PITPNC1: variants seen among roughly 807,000 people sequenced by gnomAD.
The protein encoded by PITPNC1 is cytoplasmic phosphatidylinositol transfer protein 1.
PITPNC1 carries 18 observed loss-of-function variants against 44.7 expected under a neutral mutation model. The observed-to-expected ratio is 0.40, with a 90% CI of 0.28 to 0.60. The LOEUF is 0.60. Among genes scored for constraint, PITPNC1 ranks in the 20% least tolerant of loss-of-function variants. PITPNC1 has a pLI of 0.39. For synonymous variants in PITPNC1, 141 were observed against 149.6 expected (o/e 0.94, Z 0.42); for missense variants, 290 against 418.4 (o/e 0.69, Z 2.68).
chr17:67,648,491 A>G (rs2042175836), intron 6 of PITPNC1, among the ~76,000 whole-genome samples: 1 of 152,200 alleles, frequency 6.6e-6, no homozygotes, highest in Non-Finnish European at 1.5e-5. Context: ...GTGCCCTTGA[A>G]TGACCTTATT....
intron 1 of PITPNC1, among the ~76,000 whole-genome samples, chr17:67,465,620 A>G (rs1568000671): frequency 6.6e-6 from 1 of 152,094 alleles, no homozygotes; most frequent in Non-Finnish European, 1.5e-5. Context: ...CCTGCACTGG[A>G]TAGCCTTTCT....
chr17:67,532,220 C>T (rs2040471378), intron 1 of PITPNC1, among the ~76,000 whole-genome samples: 1 of 152,148 alleles, frequency 6.6e-6, no homozygotes, highest in Non-Finnish European at 1.5e-5. Flanking sequence ...CTTGGCTCCA[C>T]TCATGGGGGA....
chr17:67,631,032 T>C (rs1037985376), intron 5 of PITPNC1, among the ~76,000 whole-genome samples: 5 of 146,762 alleles, frequency 3.4e-5, no homozygotes, highest in African/African-American at 1.3e-4. Context: ...ATCTATATAT[T>C]GCGGCTGTGT....
chr17:67,419,990 C>T (rs973546731), intron 1 of PITPNC1, among the ~76,000 whole-genome samples: 4 of 152,052 alleles, frequency 2.6e-5, no homozygotes, highest in Non-Finnish European at 4.4e-5. Flanking sequence ...TCTATCCATC[C>T]GTAAAGCACA....
At chr17:67,460,938 C>T (rs904909843) in intron 1 of PITPNC1, among the ~76,000 whole-genome samples, 2 of 151,746 alleles carry the variant, frequency 1.3e-5, no homozygotes, top group African/African-American at 4.8e-5. Flanking sequence ...GATGAGGTTT[C>T]ACCATGTTGG....
chr17:67,624,230 T>C (rs3952515), intron 5 of PITPNC1, among the ~76,000 whole-genome samples: 13,386 of 146,622 alleles, frequency 0.091, 650 homozygotes, highest in South Asian at 0.13. Context: ...TTTTTTTTTT[T>C]CCTCAGGGTT....
At chr17:67,541,224 TAATAAA>T (rs1568033091) in intron 2 of PITPNC1, among the ~76,000 whole-genome samples, 2 of 151,608 alleles carry the variant, frequency 1.3e-5, no homozygotes, top group African/African-American at 4.8e-5. Flanking sequence ...CAAAAAATAA[TAATAAA>T]AATAAAAATA....
chr17:67,473,947 G>T (rs1158981325), intron 1 of PITPNC1, among the ~76,000 whole-genome samples: 1 of 152,126 alleles, frequency 6.6e-6, no homozygotes, highest in African/African-American at 2.4e-5. Context: ...TTCTTCTCCA[G>T]GTATTTGTTT....
intron 5 of PITPNC1, among the ~76,000 whole-genome samples, chr17:67,601,620 T>C (rs969275945): frequency 6.6e-6 from 1 of 151,926 alleles, no homozygotes; most frequent in East Asian, 1.9e-4. Context: ...GCAAGCATGG[T>C]GGTGCGTGCC....
At chr17:67,620,914 C>T (rs2041820937) in intron 5 of PITPNC1, among the ~76,000 whole-genome samples, 1 of 152,148 alleles carries the variant, frequency 6.6e-6, no homozygotes, top group Non-Finnish European at 1.5e-5. Context: ...GTCATCACTG[C>T]CCTAGAGCCC....
intron 1 of PITPNC1, among the ~76,000 whole-genome samples, chr17:67,451,071 A>C (rs1316479826): frequency 1.3e-5 from 2 of 152,160 alleles, no homozygotes; most frequent in Non-Finnish European, 2.9e-5. Context: ...CACTCTTGTC[A>C]CTCAGGCTGG....
chr17:67,604,288 G>A (rs1160480300), intron 5 of PITPNC1, among the ~76,000 whole-genome samples: 1 of 152,214 alleles, frequency 6.6e-6, no homozygotes, highest in Non-Finnish European at 1.5e-5. Flanking sequence ...GGAAGGCAGA[G>A]CTGGGTTGCC....
At chr17:67,510,391 C>G (rs1237836081) in intron 1 of PITPNC1, among the ~76,000 whole-genome samples, 1 of 152,200 alleles carries the variant, frequency 6.6e-6, no homozygotes, top group Non-Finnish European at 1.5e-5. Context: ...GATGTGCGCA[C>G]CCCTTTCCTT....
At chr17:67,392,415 ATTTT>A (rs901751975) in intron 1 of PITPNC1, among the ~76,000 whole-genome samples, 1 of 151,954 alleles carries the variant, frequency 6.6e-6, no homozygotes, top group African/African-American at 2.4e-5. Context: ...GACTAAAATA[ATTTT>A]TTTTAAAGAG....
At chr17:67,486,469 A>G (rs1454394403) in intron 1 of PITPNC1, among the ~76,000 whole-genome samples, 1 of 152,146 alleles carries the variant, frequency 6.6e-6, no homozygotes, top group Non-Finnish European at 1.5e-5. Context: ...ACAAATCCTA[A>G]TGAGAAGATG....
chr17:67,459,637 T>C (rs2039308008), intron 1 of PITPNC1: 1 of 152,230 alleles, frequency 6.6e-6, no homozygotes, highest in African/African-American at 2.4e-5. Flanking sequence ...GTTATCTTAA[T>C]TTGTTGCCAT....
At chr17:67,621,450 C>T (rs970096898) in intron 5 of PITPNC1, among the ~76,000 whole-genome samples, 6 of 152,116 alleles carry the variant, frequency 3.9e-5, no homozygotes, top group Non-Finnish European at 7.3e-5. Context: ...TCAAGTGATC[C>T]ACGTGCCTTG....
chr17:67,649,446 A>G lies in PITPNC1; in HGVS notation c.462+17208A>G, dbSNP rs1332176891. On this transcript the variant is annotated intron_variant, in intron 6 of 8. Coordinates refer to ENST00000581322, the MANE Select transcript of PITPNC1 (RefSeq NM_012417.4). ...GTGGGCTACTTTTAGTAGCTTGCTT[A>G]TGAGAATTCTGGGGTGTTTTCTGTG... 3.3e-5 allele frequency among the ~76,000 whole-genome samples: 5 copies of G among 152,200 alleles called. 1 individual carries two copies. The highest frequency in any genetic ancestry group is 3.3e-4 in the Admixed American group (5 of 15,286).
chr17:67,398,867 G>A (rs2038261898), intron 1 of PITPNC1, among the ~76,000 whole-genome samples: 1 of 152,066 alleles, frequency 6.6e-6, no homozygotes, highest in Admixed American at 6.6e-5. Flanking sequence ...AAACGACAAT[G>A]TTTTTGATTT....
Sources: gnomAD v4.1 joint callset for allele counts (sites outside exome capture counted in the v4.1 genomes callset) on GRCh38, gnomAD v4.1.1 for gene constraint, MANE v1.5 for transcripts, NCBI Gene and HGNC (gene_info 2026-07-23, HGNC 2026-07-21) for gene names.